The following XDH variants were observed in gnomAD, a reference collection of about 807,000 sequenced individuals.
XDH encodes xanthine dehydrogenase/oxidase.
XDH carries 138 observed loss-of-function variants against 156.1 expected under a neutral mutation model. The observed-to-expected ratio is 0.88, with a 90% CI of 0.77 to 1.02. The LOEUF is 1.02. Among genes scored for constraint, XDH ranks in the 50% least tolerant of loss-of-function variants. XDH has a pLI of 0.00. For synonymous variants in XDH, 669 were observed against 625.7 expected (o/e 1.07, Z -1.03); for missense variants, 1,849 against 1,684.9 (o/e 1.10, Z -1.71).
chr2:31,398,792 A>T (rs550282075), intron 4 of XDH, 93 bp from the exon 5 acceptor site: 63 of 1,584,698 alleles, frequency 4.0e-5, no homozygotes, highest in Non-Finnish European at 5.2e-5. Flanking sequence ...GTTGAGAGAT[A>T]GTGGGGGTAG....
At chr2:31,346,701 C>A (rs45521043) in intron 30 of XDH, 68 bp downstream of exon 30, 3 of 1,578,368 alleles carry the variant, frequency 1.9e-6, no homozygotes, top group South Asian at 1.1e-5. Flanking sequence ...TGTTCGGATT[C>A]GGAACGGAGG....
chr2:31,411,382 T>C (rs1425519988), intron 1 of XDH, among the ~76,000 whole-genome samples: 1 of 151,828 alleles, frequency 6.6e-6, no homozygotes, highest in Admixed American at 6.6e-5. Context: ...ATCTATCTTA[T>C]ACTATATATT....
At position 31,367,831 on chromosome 2, in the gene XDH, G is replaced by T. The variant is rs17011365; in HGVS notation, c.2197+130C>A. 8 of 912,554 alleles carry T rather than the reference G, an allele frequency of 8.8e-6. No individual in the cohort carries two copies. In the East Asian group the frequency reaches 1.9e-4, roughly 22 times the overall value. The allele number at this position is 912,554 out of a possible 1,614,324, so 56.5% of individuals were successfully genotyped here. On this transcript the variant is annotated intron_variant, in intron 20 of 35. Transcript: ENST00000379416. Reference sequence around the variant, plus strand: ...AACTGTCTCCTATTTTGCTACAAACGTAAGAGGGAATCTTCTGTCAGGAAA... The same window carrying T: ...AACTGTCTCCTATTTTGCTACAAACTTAAGAGGGAATCTTCTGTCAGGAAA...
chr2:31,339,625 T>A lies in XDH; in HGVS notation c.3638A>T (p.His1213Leu). The A allele has an allele frequency of 6.2e-7, 1 of 1,614,040 alleles. No individual in the cohort carries two copies. The highest frequency in any genetic ancestry group is 8.5e-7 in the Non-Finnish European group (1 of 1,179,950). ...GLGLFTLEEL[H>L]YSPEGSLHTR... ...GTGCAGGCTCCCCTCGGGGGAATAGTGTAGCTCCTCTAGGGTGAAGAGGCC... is the reference window on the plus strand; with the variant it reads ...GTGCAGGCTCCCCTCGGGGGAATAGAGTAGCTCCTCTAGGGTGAAGAGGCC... Residue 1213 changes from histidine (H) to leucine (L), a missense_variant, in exon 34 of 36, where the codon CAC (histidine) becomes CTC (leucine). His to Leu is a moderately conservative substitution (Grantham distance 99). Coordinates refer to ENST00000379416, the MANE Select transcript of XDH (RefSeq NM_000379.4).
intron 24 of XDH, among the ~76,000 whole-genome samples, chr2:31,354,007 C>T (rs188852072): frequency 2.0e-4 from 31 of 152,306 alleles, no homozygotes; most frequent in African/African-American, 7.0e-4. Context: ...ACCACTCTTC[C>T]CTTCCTTTCT....
At chr2:31,406,024 T>G (rs1243888808) in intron 1 of XDH, 60 bp from the exon 2 acceptor site, 77 of 1,574,326 alleles carry the variant, frequency 4.9e-5, no homozygotes, top group Non-Finnish European at 6.6e-5. Flanking sequence ...TTTCTGCAAT[T>G]AATTTCTTCC....
chr2:31,397,562 C>T (rs907307146), intron 6 of XDH, 106 bp downstream of exon 6: 31 of 1,360,726 alleles, frequency 2.3e-5, no homozygotes, highest in Middle Eastern at 3.6e-4. Context: ...GTCATCTTAT[C>T]ATCATTGTTT....
intron 6 of XDH, among the ~76,000 whole-genome samples, chr2:31,390,096 T>C (rs1265792736): frequency 2.6e-5 from 4 of 152,210 alleles, no homozygotes; most frequent in African/African-American, 9.6e-5. Flanking sequence ...AAATGCATGA[T>C]TACAGGTGTT....
intron 8 of XDH, among the ~76,000 whole-genome samples, chr2:31,387,470 G>C (rs557392841): frequency 6.6e-6 from 1 of 152,100 alleles, no homozygotes; most frequent in East Asian, 1.9e-4. Flanking sequence ...TTATGTATTA[G>C]ATATAGGCAG....
chr2:31,345,249 C>T (rs1171209623), intron 30 of XDH, among the ~76,000 whole-genome samples: 1 of 152,178 alleles, frequency 6.6e-6, no homozygotes, highest in Non-Finnish European at 1.5e-5. Flanking sequence ...AACAACTACT[C>T]AAACTTGCCC....
At position 31,380,044 on chromosome 2, in the gene XDH, G is replaced by T. The variant is rs774719562; in HGVS notation, c.1133-68C>A. ...GCTGGGAACCCCCCATGGGGAGAAA[G>T]GATAACCATCAGTGGGATTCTTCAT... is the stretch of plus-strand genomic sequence containing the variant. On this transcript the variant is annotated intron_variant, in intron 12 of 35. Transcript: ENST00000379416. 2.6e-5 allele frequency: 39 copies of T among 1,481,318 alleles called. 1 individual carries two copies. Among genetic ancestry groups the T allele is most frequent in the Non-Finnish European group, 3.6e-5 (38 of 1,063,594 alleles). 91.8% of individuals were successfully genotyped at this position (1,481,318 alleles called of 1,614,324 possible).
In XDH at chr2:31,346,508, C is replaced by G. The variant is rs7572658; in HGVS notation, c.3351+261G>C. Among the ~76,000 whole-genome samples the G allele has an allele frequency of 0.76, 115,184 of 151,914 alleles. 43,778 individuals carry two copies. Among genetic ancestry groups the G allele is most frequent in the East Asian group, 0.84 (4,340 of 5,138 alleles). On this transcript the variant is annotated intron_variant, in intron 30 of 35. Coordinates refer to ENST00000379416, the MANE Select transcript of XDH (RefSeq NM_000379.4). ...TCCTCTCAGGCTCAGGCAAAGAAAA[C>G]CCTGATTCCCACAAGGCTGTCAAGA... is the stretch of plus-strand genomic sequence containing the variant.
rs1487554273 is a variant in XDH, at chr2:31,342,176, T to C, written c.3519+7A>G. ...CACTAAGTACTAAAGTTTTGCAAAC[T>C]TCTTACCTTATGATCTCCTGTTAGG... On this transcript the variant is annotated splice_region_variant and intron_variant, in intron 32 of 35. Coordinates refer to ENST00000379416, the MANE Select transcript of XDH (RefSeq NM_000379.4). 1 of 1,613,586 alleles carries C rather than the reference T, an allele frequency of 6.2e-7. No homozygotes were observed. Among genetic ancestry groups the C allele is most frequent in the Non-Finnish European group, 8.5e-7 (1 of 1,179,560 alleles).
chr2:31,373,095 C>T (rs1000009924), intron 16 of XDH, among the ~76,000 whole-genome samples: 2 of 152,134 alleles, frequency 1.3e-5, no homozygotes, highest in Admixed American at 1.3e-4. Context: ...CACATTTAAT[C>T]CTCAAAACCA....
At chr2:31,401,826 A>G (rs1687068831) in intron 3 of XDH, among the ~76,000 whole-genome samples, 1 of 152,214 alleles carries the variant, frequency 6.6e-6, no homozygotes, top group Non-Finnish European at 1.5e-5. Flanking sequence ...GCAAGCCCTT[A>G]GCTAGAACTT....
rs1686097999 is a variant in XDH at position 31,372,387 on chromosome 2, T to C, written c.1697A>G (p.Lys566Arg). Residue 566 changes from lysine (K) to arginine (R), a missense_variant, in exon 17 of 36, where the codon AAG (lysine) becomes AGG (arginine). Coordinates refer to ENST00000379416, the MANE Select transcript of XDH (RefSeq NM_000379.4). Reference protein sequence around the residue: ...ADVQLFQEVPKGQSEEDMVGR... With the variant: ...ADVQLFQEVPRGQSEEDMVGR... ...CACCATGTCCTCCTCAGACTGACCCTTGGGCACCTCCTGGAATGACAGGGT... is the reference window on the plus strand; with the variant it reads ...CACCATGTCCTCCTCAGACTGACCCCTGGGCACCTCCTGGAATGACAGGGT... 1.2e-6 allele frequency: 2 copies of C among 1,613,942 alleles called. No homozygotes were observed. The highest frequency in any genetic ancestry group is 2.7e-5 in the African/African-American group (2 of 74,944).
chr2:31,345,848 G>C (rs1572513601), intron 30 of XDH, among the ~76,000 whole-genome samples: 1 of 152,208 alleles, frequency 6.6e-6, no homozygotes, highest in African/African-American at 2.4e-5. Flanking sequence ...CCACAGGTCA[G>C]ATGATAGAAC....
chr2:31,375,014 TCTTTCTTTC>T (rs1379932046), intron 15 of XDH, among the ~76,000 whole-genome samples: 3 of 113,434 alleles, frequency 2.6e-5, no homozygotes, highest in African/African-American at 8.9e-5. Flanking sequence ...TTTCTTTCTT[TCTTTCTTTC>T]TTTTTTTTTT....
intron 15 of XDH, among the ~76,000 whole-genome samples, chr2:31,375,072 C>T (rs1248332062): frequency 7.7e-6 from 1 of 129,280 alleles, no homozygotes; most frequent in African/African-American, 3.1e-5. Flanking sequence ...GTAGCCCAGG[C>T]TAGAGTGCAA....
Sources: allele counts gnomAD v4.1 joint callset (sites outside exome capture counted in the v4.1 genomes callset), GRCh38; gene constraint gnomAD v4.1.1; transcripts MANE v1.5; gene names NCBI Gene and HGNC (gene_info 2026-07-23, HGNC 2026-07-21).